The following TMEM132B variants were observed in gnomAD, a reference collection of about 807,000 sequenced individuals.
TMEM132B encodes transmembrane protein 132B.
TMEM132B carries 18 observed loss-of-function variants against 90.8 expected under a neutral mutation model. The ratio of observed to expected loss-of-function variants is 0.20; its 90% CI spans 0.14 to 0.29. The LOEUF is 0.29. Ranked by LOEUF, TMEM132B falls within the 10% of genes least tolerant of loss-of-function variation. The probability of loss-of-function intolerance (pLI) is 1.00; values close to 1 mark genes in which losing one functional copy is unlikely to be tolerated. For missense variants in TMEM132B, 1,096 were observed against 1,326.8 expected (o/e 0.83, Z 2.70); for synonymous variants, 504 against 523.3 (o/e 0.96, Z 0.50).
intron 1 of TMEM132B, among the ~76,000 whole-genome samples, chr12:125,221,845 G>C (rs1232617330): frequency 1.3e-5 from 2 of 152,220 alleles, no homozygotes; most frequent in African/African-American, 4.8e-5. Context: ...TGGACAACTT[G>C]TGGGAAGGGA....
intron 3 of TMEM132B, among the ~76,000 whole-genome samples, chr12:125,433,627 G>A (rs192836218): frequency 8.2e-5 from 12 of 147,010 alleles, no homozygotes; most frequent in Admixed American, 2.7e-4. Flanking sequence ...CCACTAACTC[G>A]TCATCTAGCA....
At chr12:125,605,686 C>T (rs1030894523) in intron 5 of TMEM132B, among the ~76,000 whole-genome samples, 2 of 152,196 alleles carry the variant, frequency 1.3e-5, no homozygotes, top group African/African-American at 4.8e-5. Context: ...TTGAGCCCTA[C>T]ACTTTCTTAA....
chr12:125,281,761 G>C (rs371551745), intron 1 of TMEM132B, among the ~76,000 whole-genome samples: 8 of 152,194 alleles, frequency 5.3e-5, no homozygotes, highest in African/African-American at 1.7e-4. Context: ...GGGCGCGGTG[G>C]CTCACGCCTG....
intron 5 of TMEM132B, among the ~76,000 whole-genome samples, chr12:125,606,495 G>A (rs1885699803): frequency 6.6e-6 from 1 of 152,228 alleles, no homozygotes; most frequent in Non-Finnish European, 1.5e-5. Flanking sequence ...GTGTGGGCCA[G>A]AATGCACATG....
rs1437487655 is a variant in TMEM132B, at chr12:125,407,647, T to A, written c.960-7884T>A. Among the ~76,000 whole-genome samples the A allele has an allele frequency of 1.3e-5, 2 of 152,196 alleles. No individual in the cohort carries two copies. The highest frequency in any genetic ancestry group is 6.5e-5 in the Admixed American group (1 of 15,284). On this transcript the variant is annotated intron_variant, in intron 2 of 8. Transcript: ENST00000682704. This position sits in a 1 kb window ranked among gnomAD's most constrained non-coding sequence, Gnocchi z 6.7. ...GATGCTCATCTGGACTCAGACTCTT[T>A]CCAGCATCCAGTCCTCCATCACAGA...
At chr12:125,334,304 G>A (rs1876884412) in intron 1 of TMEM132B, among the ~76,000 whole-genome samples, 2 of 152,148 alleles carry the variant, frequency 1.3e-5, no homozygotes, top group African/African-American at 2.4e-5. Flanking sequence ...CAGTGGAAAC[G>A]CTGCCCAGAA....
At chr12:125,597,437 A>C (rs1199316553) in intron 5 of TMEM132B, among the ~76,000 whole-genome samples, 2 of 152,128 alleles carry the variant, frequency 1.3e-5, no homozygotes, top group Admixed American at 1.3e-4. Flanking sequence ...TCAAAAAGAC[A>C]CTTGTAATTT....
intron 5 of TMEM132B, among the ~76,000 whole-genome samples, chr12:125,637,008 G>C (rs545445089): frequency 1.3e-5 from 2 of 152,296 alleles, no homozygotes; most frequent in South Asian, 4.1e-4. Context: ...GTCTACTCCA[G>C]GGAAGCAAAT....
intron 4 of TMEM132B, among the ~76,000 whole-genome samples, chr12:125,553,663 A>G (rs7306512): frequency 0.17 from 26,353 of 151,148 alleles, 2,873 homozygotes; most frequent in East Asian, 0.6. Flanking sequence ...TGTTAAATGA[A>G]ATGAATCACA....
intron 1 of TMEM132B, among the ~76,000 whole-genome samples, chr12:125,314,507 G>T (rs1876208916): frequency 6.6e-6 from 1 of 152,166 alleles, no homozygotes; most frequent in Non-Finnish European, 1.5e-5. Flanking sequence ...TGGGTTTCTT[G>T]TGCTGCATTG....
rs1876163540 is a variant in TMEM132B, at chr12:125,313,265, C to A, written c.68-36187C>A. 2.0e-5 allele frequency among the ~76,000 whole-genome samples: 3 copies of A among 152,062 alleles called. No individual in the cohort carries two copies. In the South Asian group the frequency reaches 6.2e-4, roughly 32 times the overall value. ...CTGACACCTAGCAAGGGTCAGTAAA[C>A]CTTGGTTTTGAGAATGATTTGAATC... On this transcript the variant is annotated intron_variant, in intron 1 of 8. Transcript: ENST00000682704.
chr12:125,640,373 G>A (rs1304186266), intron 5 of TMEM132B, among the ~76,000 whole-genome samples: 1 of 152,192 alleles, frequency 6.6e-6, no homozygotes, highest in African/African-American at 2.4e-5. Context: ...TAGTTGACTG[G>A]CCAGTAGAAA....
At chr12:125,419,303 C>T (rs1411103410) in intron 3 of TMEM132B, among the ~76,000 whole-genome samples, 1 of 152,256 alleles carries the variant, frequency 6.6e-6, no homozygotes, top group East Asian at 1.9e-4. Flanking sequence ...TAAGACATAC[C>T]CAAGACCGGA....
intron 3 of TMEM132B, among the ~76,000 whole-genome samples, chr12:125,453,764 C>T (rs1881217627): frequency 6.6e-6 from 1 of 152,152 alleles, no homozygotes; most frequent in Non-Finnish European, 1.5e-5. Flanking sequence ...TTGGAGATTT[C>T]CAAACACACA....
At chr12:125,373,919 C>A (rs1039858589) in intron 2 of TMEM132B, among the ~76,000 whole-genome samples, 2 of 152,186 alleles carry the variant, frequency 1.3e-5, no homozygotes, top group Admixed American at 1.3e-4. Flanking sequence ...CTCAGCCTCC[C>A]AGGTAGCTGG....
chr12:125,311,301 C>A (rs1264421729), intron 1 of TMEM132B, among the ~76,000 whole-genome samples: 2 of 152,190 alleles, frequency 1.3e-5, no homozygotes, highest in South Asian at 2.1e-4. Context: ...GGGAGGCAGG[C>A]AACTGCTGCT....
intron 1 of TMEM132B, chr12:125,327,576 T>C (rs10773158): frequency 0.45 from 67,795 of 152,086 alleles, 15,711 homozygotes; most frequent in African/African-American, 0.55. Flanking sequence ...TGTTGACAGG[T>C]TGCATGCGGG....
At chr12:125,482,586 C>T (rs144295852) in intron 3 of TMEM132B, among the ~76,000 whole-genome samples, 3,696 of 152,228 alleles carry the variant, frequency 0.024, 158 homozygotes, top group African/African-American at 0.084. Flanking sequence ...ATTAAAAAGT[C>T]GGGAAACAAT....
At chr12:125,607,867 C>T (rs1403266334) in intron 5 of TMEM132B, among the ~76,000 whole-genome samples, 2 of 152,178 alleles carry the variant, frequency 1.3e-5, no homozygotes, top group African/African-American at 2.4e-5. Flanking sequence ...ATATTTTGGT[C>T]TTTAAAGTCT....
Sources: allele counts gnomAD v4.1 joint callset (sites outside exome capture counted in the v4.1 genomes callset), GRCh38; gene constraint gnomAD v4.1.1; non-coding constraint Gnocchi (gnomAD v3.1); transcripts MANE v1.5; gene names NCBI Gene and HGNC (gene_info 2026-07-23, HGNC 2026-07-21).